CCN4: variants seen among roughly 807,000 people sequenced by gnomAD.
CCN4 encodes CCN family member 4.
Under a neutral mutation model 36.7 loss-of-function variants are expected in CCN4, and 30 were observed. The observed-to-expected ratio is 0.82, with a 90% CI of 0.61 to 1.11. The LOEUF is 1.11. Among genes scored for constraint, CCN4 ranks in the 50% least tolerant of loss-of-function variants. CCN4 has a pLI of 0.00. For synonymous variants in CCN4, 191 were observed against 195.4 expected (o/e 0.98, Z 0.19); for missense variants, 505 against 504.9 (o/e 1.00, Z 0.00).
chr8:133,216,810 C>A (rs559627304), intron 2 of CCN4, among the ~76,000 whole-genome samples: 2 of 152,316 alleles, frequency 1.3e-5, no homozygotes, highest in Non-Finnish European at 2.9e-5. Flanking sequence ...GTCATAAAAC[C>A]AACCTCACAT....
intron 1 of CCN4, among the ~76,000 whole-genome samples, chr8:133,200,100 C>T (rs1042518778): frequency 4.6e-5 from 7 of 152,144 alleles, no homozygotes; most frequent in Non-Finnish European, 8.8e-5. Flanking sequence ...AGCCAGGGAT[C>T]CAGTGCAGGA....
At chr8:133,217,351 G>T (rs938828781) in intron 2 of CCN4, among the ~76,000 whole-genome samples, 1 of 152,256 alleles carries the variant, frequency 6.6e-6, no homozygotes, top group Non-Finnish European at 1.5e-5. Context: ...GTGAAGGGAG[G>T]GAAGGCCCCG....
In CCN4 at chr8:133,191,108, G is replaced by A; in HGVS notation, c.-37G>A. 1.2e-6 allele frequency: 2 copies of A among 1,602,618 alleles called. No homozygotes were observed. The highest frequency in any genetic ancestry group is 1.7e-6 in the Non-Finnish European group (2 of 1,179,276). On this transcript the variant is annotated 5_prime_UTR_variant, in exon 1 of 5. Transcript: ENST00000250160. ...CCCGAGAGGTGGTCGGATCCTCTGG[G>A]CTGCTCGGTCGATGCCTGTGCCACT...
rs141351177 is a variant in CCN4 at position 133,215,761 on chromosome 8, G to A, written c.349+2618G>A. Among the ~76,000 whole-genome samples, 1,376 of 152,194 alleles carry A rather than the reference G, an allele frequency of 9.0e-3. 17 individuals are homozygous for A. Among genetic ancestry groups the A allele is most frequent in the Middle Eastern group, 0.061 (18 of 294 alleles). ...CAAAAACTGTAGGCTAAAGGAGATT[G>A]TAATAGATTTTACGCCTACCAGTGG... On this transcript the variant is annotated intron_variant, in intron 2 of 4. Coordinates refer to ENST00000250160, the MANE Select transcript of CCN4 (RefSeq NM_003882.4).
At chr8:133,193,644 C>T (rs1332982551) in intron 1 of CCN4, among the ~76,000 whole-genome samples, 1 of 152,208 alleles carries the variant, frequency 6.6e-6, no homozygotes, top group Non-Finnish European at 1.5e-5. Context: ...TTATTAGGCA[C>T]ATTCTACAAT....
At chr8:133,194,322 T>TG in intron 1 of CCN4, among the ~76,000 whole-genome samples, 1 of 93,502 alleles carries the variant, frequency 1.1e-5, no homozygotes, top group South Asian at 4.2e-4. Context: ...TGTGTGTATG[T>TG]GTGTGCCTGT....
chr8:133,226,278 C>A (rs1184040642), intron 4 of CCN4, among the ~76,000 whole-genome samples: 3 of 152,174 alleles, frequency 2.0e-5, no homozygotes, highest in Non-Finnish European at 4.4e-5. Context: ...AACAGTTATT[C>A]CATTTTTGGA....
At chr8:133,225,149 G>T (rs1240379619) in intron 3 of CCN4, among the ~76,000 whole-genome samples, 1 of 152,166 alleles carries the variant, frequency 6.6e-6, no homozygotes, top group Non-Finnish European at 1.5e-5. Flanking sequence ...CTAAAGATGG[G>T]TTTCCTCCCA....
chr8:133,195,797 T>C (rs1419187003), intron 1 of CCN4, among the ~76,000 whole-genome samples: 1 of 152,130 alleles, frequency 6.6e-6, no homozygotes, highest in Non-Finnish European at 1.5e-5. Context: ...TAGAAAAGGC[T>C]CCGGCCCTGT....
chr8:133,204,471 T>C (rs1022508007), intron 1 of CCN4, among the ~76,000 whole-genome samples: 5 of 152,120 alleles, frequency 3.3e-5, no homozygotes, highest in Non-Finnish European at 5.9e-5. Flanking sequence ...CAGTGGTTCC[T>C]ATTTCTATAA....
chr8:133,209,710 C>G (rs1853924318), intron 1 of CCN4, among the ~76,000 whole-genome samples: 1 of 152,236 alleles, frequency 6.6e-6, no homozygotes, highest in African/African-American at 2.4e-5. Context: ...CTCAAAGTGT[C>G]CAGATCCCCA....
intron 1 of CCN4, among the ~76,000 whole-genome samples, chr8:133,208,542 A>T (rs1451561789): frequency 6.6e-6 from 1 of 152,054 alleles, no homozygotes; most frequent in Non-Finnish European, 1.5e-5. Context: ...TGTGCCTTGA[A>T]CCCATCCTCA....
Position 133,225,481 on chromosome 8 carries a change from C to T in CCN4, c.702C>T (p.Val234=). Residue 234 remains valine (V), a synonymous_variant, in exon 4 of 5, where the codon GTC becomes GTT. Transcript: ENST00000250160. ...SPCSTSCGLG[V]STRISNVNAQ... Reference sequence around the variant, plus strand: ...GCTCCACCAGCTGCGGCCTGGGGGTCTCCACTCGGATCTCCAATGTTAACG... The same window carrying T: ...GCTCCACCAGCTGCGGCCTGGGGGTTTCCACTCGGATCTCCAATGTTAACG... 6.2e-7 allele frequency: 1 copy of T among 1,614,124 alleles called. No individual in the cohort carries two copies.
chr8:133,194,189 G>A (rs1196270885), intron 1 of CCN4, among the ~76,000 whole-genome samples: 1 of 152,146 alleles, frequency 6.6e-6, no homozygotes, highest in East Asian at 1.9e-4. Context: ...TCCTGTATCA[G>A]TGCATGTGGG....
At chr8:133,213,268 C>T in intron 2 of CCN4, 125 bp downstream of exon 2, 7 of 1,211,270 alleles carry the variant, frequency 5.8e-6, no homozygotes, top group Non-Finnish European at 6.9e-6. Context: ...AGGAGATACA[C>T]CCCATGATCA....
chr8:133,214,250 A>G (rs1026764574), intron 2 of CCN4, among the ~76,000 whole-genome samples: 26 of 118,358 alleles, frequency 2.2e-4, no homozygotes, highest in African/African-American at 8.5e-4. Context: ...TTAATATTCT[A>G]AGATAGCTGA....
rs532877054 is a variant in CCN4, at chr8:133,225,591, C to T, written c.804+8C>T. On this transcript the variant is annotated splice_region_variant and intron_variant, in intron 4 of 4. Coordinates refer to ENST00000250160, the MANE Select transcript of CCN4 (RefSeq NM_003882.4). ...ATCCATACACTCATTAAGGTGGGTC[C>T]AGAGCAGGTGTGGATGTCTAGACTT... 1 of 1,574,160 alleles carries T rather than the reference C, an allele frequency of 6.4e-7. No individual in the cohort carries two copies. Among genetic ancestry groups the T allele is most frequent in the East Asian group, 2.3e-5 (1 of 43,598 alleles).
chr8:133,203,359 G>A (rs1853657492), intron 1 of CCN4, among the ~76,000 whole-genome samples: 1 of 152,212 alleles, frequency 6.6e-6, no homozygotes, highest in Admixed American at 6.5e-5. Context: ...CTTGGTACAT[G>A]TGTGTGATGG....
chr8:133,226,690 C>A (rs959399318), intron 4 of CCN4, among the ~76,000 whole-genome samples: 4 of 152,200 alleles, frequency 2.6e-5, no homozygotes, highest in Non-Finnish European at 5.9e-5. Flanking sequence ...TGATTTCCAA[C>A]CAATTTTTTT....
Sources: gnomAD v4.1 joint callset for allele counts (sites outside exome capture counted in the v4.1 genomes callset) on GRCh38, gnomAD v4.1.1 for gene constraint, MANE v1.5 for transcripts, NCBI Gene and HGNC (gene_info 2026-07-23, HGNC 2026-07-21) for gene names.